The following MBD5 variants were observed in gnomAD, a reference collection of about 807,000 sequenced individuals.
MBD5 encodes methyl-CpG-binding domain protein 5.
In MBD5, 13 loss-of-function variants were observed where a neutral mutation model predicts 117.3. That is an observed-to-expected ratio of 0.11 (90% CI 0.07 to 0.18). The LOEUF is 0.18. MBD5 is among the 10% of genes least tolerant of loss of function. The pLI, the probability that MBD5 is intolerant of heterozygous loss-of-function variation, is 1.00. For synonymous variants in MBD5, 727 were observed against 766.4 expected (o/e 0.95, Z 0.85); for missense variants, 1,879 against 2,093.8 (o/e 0.90, Z 2.00).
intron 4 of MBD5, among the ~76,000 whole-genome samples, chr2:148,364,027 C>G (rs940127147): frequency 2.0e-5 from 3 of 151,966 alleles, no homozygotes; most frequent in African/African-American, 4.8e-5. Flanking sequence ...GAAGAGCAAC[C>G]CAAGACACAT....
chr2:148,170,480 CTG>C (rs990768766), intron 1 of MBD5, among the ~76,000 whole-genome samples: 1 of 152,212 alleles, frequency 6.6e-6, no homozygotes, highest in African/African-American at 2.4e-5. Flanking sequence ...AATTCATTGA[CTG>C]TTTGATTTCT....
At chr2:148,379,170 A>T (rs1446850216) in intron 4 of MBD5, among the ~76,000 whole-genome samples, 1 of 152,128 alleles carries the variant, frequency 6.6e-6, no homozygotes, top group African/African-American at 2.4e-5. Context: ...ACAATATGTA[A>T]CAAATGAGAA....
intron 1 of MBD5, among the ~76,000 whole-genome samples, chr2:148,076,408 G>C (rs981630565): frequency 3.3e-5 from 5 of 152,134 alleles, no homozygotes; most frequent in Admixed American, 1.3e-4. Context: ...TGCTCTCCTT[G>C]CATGTCCATC....
intron 1 of MBD5, among the ~76,000 whole-genome samples, chr2:148,067,329 A>G (rs1302193981): frequency 6.6e-6 from 1 of 152,232 alleles, no homozygotes; most frequent in East Asian, 1.9e-4. Context: ...GTTAGTGACA[A>G]TAATAACTAC....
At chr2:148,150,808 C>G (rs377593846) in intron 1 of MBD5, among the ~76,000 whole-genome samples, 80 of 151,392 alleles carry the variant, frequency 5.3e-4, no homozygotes, top group Non-Finnish European at 9.6e-4. Flanking sequence ...TGAGACTTTG[C>G]TGAAGTTGCT....
intron 1 of MBD5, among the ~76,000 whole-genome samples, chr2:148,095,899 G>A (rs1473604182): frequency 6.6e-6 from 1 of 151,850 alleles, no homozygotes; most frequent in Non-Finnish European, 1.5e-5. Flanking sequence ...GGAAATTGAG[G>A]TACAATTTTC....
chr2:148,103,279 C>T (rs1696278657), intron 1 of MBD5, among the ~76,000 whole-genome samples: 1 of 152,108 alleles, frequency 6.6e-6, no homozygotes, highest in Non-Finnish European at 1.5e-5. Context: ...TTCAGGGTAG[C>T]ATATACTCTA....
intron 1 of MBD5, among the ~76,000 whole-genome samples, chr2:148,063,388 T>C (rs1695093382): frequency 6.6e-6 from 1 of 152,184 alleles, no homozygotes; most frequent in African/African-American, 2.4e-5. Context: ...GTTAGGGTTC[T>C]TTCCAGATTG....
At chr2:148,459,003 A>T in intron 5 of MBD5, 132 bp downstream of exon 5, 1 of 755,538 alleles carries the variant, frequency 1.3e-6, no homozygotes. Context: ...ACATATGAGA[A>T]TTTTTATTGC....
chr2:148,271,546 T>G (rs750649420), intron 3 of MBD5, among the ~76,000 whole-genome samples: 3 of 152,200 alleles, frequency 2.0e-5, no homozygotes, highest in Non-Finnish European at 4.4e-5. Context: ...AAAGTACATA[T>G]CCTCATTGTG....
At chr2:148,208,912 G>A (rs1036399721) in intron 2 of MBD5, among the ~76,000 whole-genome samples, 55 of 152,028 alleles carry the variant, frequency 3.6e-4, no homozygotes, top group Non-Finnish European at 1.6e-4. Flanking sequence ...TTTATTTGAA[G>A]CAAATTGTAT....
At chr2:148,061,956 A>G (rs2104995978) in intron 1 of MBD5, among the ~76,000 whole-genome samples, 1 of 151,330 alleles carries the variant, frequency 6.6e-6, no homozygotes, top group East Asian at 1.9e-4. Flanking sequence ...GTTTGAGTAA[A>G]ATATATATTC....
chr2:148,217,955 G>A (rs192566999), intron 2 of MBD5, among the ~76,000 whole-genome samples: 104 of 152,032 alleles, frequency 6.8e-4, no homozygotes, highest in African/African-American at 2.3e-3. Context: ...AAACTCCCCC[G>A]ATAAAAAACA....
chr2:148,422,873 C>A lies in MBD5; in HGVS notation c.-556-35330C>A, dbSNP rs922467639. ...AATTTAATGAAATAAAGTGAGAGGA[C>A]AAGATTAGATAAAAAAGAATGAAAA... On this transcript the variant is annotated intron_variant, in intron 4 of 13. Coordinates refer to ENST00000642680, the MANE Select transcript of MBD5 (RefSeq NM_001378120.1). 2.6e-5 allele frequency among the ~76,000 whole-genome samples: 4 copies of A among 151,894 alleles called. No individual in the cohort carries two copies. In the South Asian group the frequency reaches 8.3e-4, roughly 32 times the overall value.
rs549378197 is a variant in MBD5 at position 148,424,964 on chromosome 2, A to G, written c.-556-33239A>G. On this transcript the variant is annotated intron_variant, in intron 4 of 13. Coordinates refer to ENST00000642680, the MANE Select transcript of MBD5 (RefSeq NM_001378120.1). Reference sequence around the variant, plus strand: ...TCTAAAATCAACACCCTAACATCGCATTTTTAAAAAACTAGAGAAGCAAGA... The same window carrying G: ...TCTAAAATCAACACCCTAACATCGCGTTTTTAAAAAACTAGAGAAGCAAGA... Among the ~76,000 whole-genome samples, 3 of 152,300 alleles carry G rather than the reference A, an allele frequency of 2.0e-5. No individual in the cohort carries two copies. In the South Asian group the frequency reaches 6.2e-4, roughly 32 times the overall value.
intron 1 of MBD5, among the ~76,000 whole-genome samples, chr2:148,035,815 T>G (rs1405254072): frequency 1.3e-5 from 2 of 152,188 alleles, no homozygotes; most frequent in Admixed American, 6.5e-5. Context: ...GCCTAGTCAG[T>G]TGTGTCCACC....
At chr2:148,364,721 A>G (rs1574337851) in intron 4 of MBD5, among the ~76,000 whole-genome samples, 1 of 152,210 alleles carries the variant, frequency 6.6e-6, no homozygotes, top group African/African-American at 2.4e-5. Flanking sequence ...GGTTTAAACC[A>G]ATAAAGATCA....
chr2:148,313,770 T>C (rs1260144854), intron 3 of MBD5, among the ~76,000 whole-genome samples: 1 of 152,142 alleles, frequency 6.6e-6, no homozygotes, highest in Non-Finnish European at 1.5e-5. Context: ...CCTAGTGGTG[T>C]AGGCACCCAA....
At position 148,102,725 on chromosome 2, in the gene MBD5, C is replaced by CAG. The variant is rs1385344641; in HGVS notation, c.-924-75974_-924-75973insGA. Among the ~76,000 whole-genome samples, 9 of 69,084 alleles carry CAG rather than the reference C, an allele frequency of 1.3e-4. No homozygotes were observed. The East Asian group carries it at 2.1e-3, about 16-fold the overall frequency. The allele number at this position is 69,084 out of a possible 152,430, so 45.3% of individuals were successfully genotyped here. ...TCACACACACACACACACACACACA[C>CAG]ACACAGAGAGAGAGAGAGAGAGAGA... is the stretch of plus-strand genomic sequence containing the variant. On this transcript the variant is annotated intron_variant, in intron 1 of 13. Coordinates refer to ENST00000642680, the MANE Select transcript of MBD5 (RefSeq NM_001378120.1).
Sources: allele counts gnomAD v4.1 joint callset (sites outside exome capture counted in the v4.1 genomes callset), GRCh38; gene constraint gnomAD v4.1.1; transcripts MANE v1.5; gene names NCBI Gene and HGNC (gene_info 2026-07-23, HGNC 2026-07-21).